The following PRPSAP2 variants were observed in gnomAD, a reference collection of about 807,000 sequenced individuals.
The protein encoded by PRPSAP2 is phosphoribosyl pyrophosphate synthetase associated protein 2, also known as phosphoribosyl pyrophosphate synthase-associated protein 2.
In PRPSAP2, 24 loss-of-function variants were observed where a neutral mutation model predicts 40.6. The ratio of observed to expected loss-of-function variants is 0.59; its 90% CI spans 0.43 to 0.83. The LOEUF (loss-of-function observed/expected upper bound fraction) is 0.83, where lower values mean the gene tolerates loss of function less well. Among genes scored for constraint, PRPSAP2 ranks in the 40% least tolerant of loss-of-function variants. The pLI is 0.00. For missense variants in PRPSAP2, 292 were observed against 465.6 expected, an observed-to-expected ratio of 0.63 and a Z score of 3.43; for synonymous variants, 149 against 164.7, an observed-to-expected ratio of 0.90 and a Z score of 0.73.
intron 7 of PRPSAP2, among the ~76,000 whole-genome samples, chr17:18,887,414 T>G (rs535248014): frequency 2.0e-5 from 3 of 152,158 alleles, no homozygotes; most frequent in African/African-American, 4.8e-5. Context: ...TGTTTTGCAT[T>G]TTTAGCAGCG....
intron 8 of PRPSAP2, chr17:18,908,570 C>A (rs1042494112): frequency 1.8e-5 from 13 of 738,028 alleles, no homozygotes; most frequent in Non-Finnish European, 3.0e-5. Context: ...CTGTGCTAAC[C>A]ACTCTTCACG....
chr17:18,880,020 CG>C (rs1237062399), intron 6 of PRPSAP2, among the ~76,000 whole-genome samples: 1 of 151,974 alleles, frequency 6.6e-6, no homozygotes, highest in African/African-American at 2.4e-5. Flanking sequence ...TGCTTGAACC[CG>C]GGAGGTGGAG....
At chr17:18,880,130 G>A (rs1245540261) in intron 6 of PRPSAP2, among the ~76,000 whole-genome samples, 2 of 152,096 alleles carry the variant, frequency 1.3e-5, no homozygotes, top group South Asian at 2.1e-4. Flanking sequence ...AACTCAACCC[G>A]AAGCAACCTC....
upstream of PRPSAP2, among the ~76,000 whole-genome samples, chr17:18,856,909 T>C (rs2036619744): frequency 6.6e-6 from 1 of 152,220 alleles, no homozygotes; most frequent in South Asian, 2.1e-4. Flanking sequence ...ACCATGTGTT[T>C]GCTATTATTA....
At chr17:18,872,671 T>A (rs749767703) in intron 5 of PRPSAP2, 22 bp downstream of exon 5, 3 of 1,557,870 alleles carry the variant, frequency 1.9e-6, no homozygotes, top group Non-Finnish European at 8.8e-7. Flanking sequence ...GCAAAAGTGT[T>A]GCTTTCTGGG....
intron 7 of PRPSAP2, among the ~76,000 whole-genome samples, chr17:18,884,056 G>A (rs1041454660): frequency 6.6e-6 from 1 of 152,022 alleles, no homozygotes; most frequent in African/African-American, 2.4e-5. Context: ...ATCACTTGAG[G>A]TCAGGAGTTC....
intron 8 of PRPSAP2, among the ~76,000 whole-genome samples, chr17:18,903,000 TC>T (rs1423143690): frequency 6.6e-6 from 1 of 152,066 alleles, no homozygotes; most frequent in Non-Finnish European, 1.5e-5. Context: ...AGGGCTGTGT[TC>T]CCATGGCACT....
At chr17:18,881,722 C>T (rs575796230) in intron 6 of PRPSAP2, among the ~76,000 whole-genome samples, 16 of 151,638 alleles carry the variant, frequency 1.1e-4, no homozygotes, top group South Asian at 2.1e-4. Context: ...TTTGTAGAGG[C>T]GGGGTTTTGC....
intron 1 of PRPSAP2, among the ~76,000 whole-genome samples, chr17:18,859,119 G>C (rs1350064317): frequency 1.3e-5 from 2 of 152,086 alleles, no homozygotes; most frequent in African/African-American, 4.8e-5. Context: ...ACACAGGTCT[G>C]GTGTACTTGT....
At chr17:18,857,679 C>T, upstream of PRPSAP2, 1 of 152,066 alleles carries the variant, frequency 6.6e-6, no homozygotes, top group Non-Finnish European at 1.5e-5. Context: ...CTCAGCCTCG[C>T]AAAGTGCTGG....
rs897591269 is a variant in PRPSAP2 at position 18,858,250 on chromosome 17, G to A, written c.-140G>A. ...GAGGCTGCGGCGGGGCCGGGGCTGG[G>A]GTCGGGGCCAGGTAGGCGGGCGGGA... On this transcript the variant is annotated 5_prime_UTR_variant, in exon 1 of 12. Coordinates refer to ENST00000268835, the MANE Select transcript of PRPSAP2 (RefSeq NM_002767.4). 2 of 152,494 alleles carry A rather than the reference G, an allele frequency of 1.3e-5. No individual in the cohort carries two copies. The highest frequency in any genetic ancestry group is 4.8e-5 in the African/African-American group (2 of 41,466). 9.4% of individuals were successfully genotyped at this position (152,494 alleles called of 1,614,324 possible). A position where few individuals can be genotyped will look rare whatever the true frequency, so the allele number is the denominator to read the frequency against.
chr17:18,911,234 C>G lies in PRPSAP2; in HGVS notation c.716C>G (p.Pro239Arg), dbSNP rs763058406. ...GTCAGAAGTGTGGCTGCCATCCACC[C>G]CAGCCTGGAGATCCCCAGTAAGTGT... ...PMVRSVAAIH[P>R]SLEIPMLIPK... Residue 239 changes from proline (P) to arginine (R), a missense_variant, in exon 9 of 12, where the codon CCC (proline) becomes CGC (arginine). Around this residue, in one of 2 missense-constraint regions of PRPSAP2, gnomAD observed 241 missense variants for 425.7 expected, o/e 0.57. Transcript: ENST00000268835. The surrounding 1 kb of genome is among the most constrained non-coding windows in gnomAD (Gnocchi z 4.5). The G allele has an allele frequency of 2.5e-6, 4 of 1,611,614 alleles. No homozygotes were observed. The highest frequency in any genetic ancestry group is 2.5e-6 in the Non-Finnish European group (3 of 1,178,512).
intron 4 of PRPSAP2, among the ~76,000 whole-genome samples, chr17:18,867,826 T>TA (rs1327897675): frequency 1.3e-5 from 2 of 152,158 alleles, no homozygotes; most frequent in Non-Finnish European, 2.9e-5. Context: ...TCCCAAGTTG[T>TA]AAAAAGAAGT....
intron 1 of PRPSAP2, among the ~76,000 whole-genome samples, chr17:18,860,267 G>A (rs2036905140): frequency 6.6e-6 from 1 of 150,936 alleles, no homozygotes; most frequent in Non-Finnish European, 1.5e-5. Context: ...TGTTGACCAG[G>A]CTGGTCTCGA....
At chr17:18,886,572 A>G (rs1395226450) in intron 7 of PRPSAP2, among the ~76,000 whole-genome samples, 5 of 151,904 alleles carry the variant, frequency 3.3e-5, no homozygotes, top group Non-Finnish European at 5.9e-5. Flanking sequence ...GTTAACCAGG[A>G]TGGTCTCAAT....
chr17:18,911,459 AC>A lies in PRPSAP2; in HGVS notation c.733+210del, dbSNP rs1016247764. On this transcript the variant is annotated intron_variant, in intron 9 of 11. Coordinates refer to ENST00000268835, the MANE Select transcript of PRPSAP2 (RefSeq NM_002767.4). The surrounding 1 kb of genome is among the most constrained non-coding windows in gnomAD (Gnocchi z 4.5). ...GAAGCAGTCTGTCCTTCTTTGCAAGACCTGTGAAAATGTTTGGACTATTGAG... is the reference window on the plus strand; with the variant it reads ...GAAGCAGTCTGTCCTTCTTTGCAAGACTGTGAAAATGTTTGGACTATTGAG... 6.6e-6 allele frequency among the ~76,000 whole-genome samples: 1 copy of A among 152,194 alleles called. No homozygotes were observed. The highest frequency in any genetic ancestry group is 2.4e-5 in the African/African-American group (1 of 41,446).
chr17:18,859,837 C>G (rs570628656), intron 1 of PRPSAP2: 1 of 152,032 alleles, frequency 6.6e-6, no homozygotes, highest in Non-Finnish European at 1.5e-5. Context: ...CTCTGCCTCC[C>G]GGGTTCAAGC....
chr17:18,923,676 T>C (rs964390413), intron 9 of PRPSAP2, among the ~76,000 whole-genome samples: 1 of 152,236 alleles, frequency 6.6e-6, no homozygotes, highest in Non-Finnish European at 1.5e-5. Context: ...TGATGGTGAA[T>C]GGCAGTGGTG....
Position 18,860,355 on chromosome 17 carries a change from C to T in PRPSAP2, c.-129+2094C>T, listed in dbSNP as rs961124010. On this transcript the variant is annotated intron_variant, in intron 1 of 11. Coordinates refer to ENST00000268835, the MANE Select transcript of PRPSAP2 (RefSeq NM_002767.4). ...ACAGGCCTGAGGCACTGCGCCTGGCCGGTTTTTATACTTTATGATGCCTTT... is the reference window on the plus strand; with the variant it reads ...ACAGGCCTGAGGCACTGCGCCTGGCTGGTTTTTATACTTTATGATGCCTTT... Among the ~76,000 whole-genome samples, 5 of 152,170 alleles carry T rather than the reference C, an allele frequency of 3.3e-5. No individual in the cohort carries two copies. The East Asian group carries it at 5.8e-4, about 18-fold the overall frequency.
Sources: allele counts gnomAD v4.1 joint callset (sites outside exome capture counted in the v4.1 genomes callset), GRCh38; gene constraint gnomAD v4.1.1; regional missense constraint gnomAD v4.1.1; non-coding constraint Gnocchi (gnomAD v3.1); transcripts MANE v1.5; gene names NCBI Gene and HGNC (gene_info 2026-07-23, HGNC 2026-07-21).